GALNT17: variants seen among roughly 807,000 people sequenced by gnomAD.
The protein encoded by GALNT17 is polypeptide N-acetylgalactosaminyltransferase 17.
A neutral mutation model predicts 63.7 loss-of-function variants in GALNT17; 29 were observed. The observed-to-expected ratio is 0.46, with a 90% CI of 0.34 to 0.62. The LOEUF (loss-of-function observed/expected upper bound fraction) is 0.62. Among genes scored for constraint, GALNT17 ranks in the 20% least tolerant of loss-of-function variants. The pLI is 0.01. For synonymous variants in GALNT17, 305 were observed against 318.3 expected, an observed-to-expected ratio of 0.96 and a Z score of 0.45; for missense variants, 603 against 799.6, an observed-to-expected ratio of 0.75 and a Z score of 2.97.
chr7:71,553,468 AAG>A (rs1789113783), intron 5 of GALNT17, among the ~76,000 whole-genome samples: 1 of 152,302 alleles, frequency 6.6e-6, no homozygotes, highest in East Asian at 1.9e-4. Context: ...TTCTAGGTCT[AAG>A]ACATGTTTAT....
rs1554338085 is a variant in GALNT17 at position 71,201,241 on chromosome 7, T to TA, written c.238+68201_238+68202insA. 1.0e-3 allele frequency among the ~76,000 whole-genome samples: 142 copies of TA among 138,442 alleles called. 4 individuals are homozygous for TA. The highest frequency in any genetic ancestry group is 1.8e-3 in the Non-Finnish European group (117 of 65,362). 90.8% of individuals were successfully genotyped at this position (138,442 alleles called of 152,430 possible). ...TGTATGGGGGTGTGTGTGTTTATTT[T>TA]TATATATATATATATAATTTGTGTG... On this transcript the variant is annotated intron_variant, in intron 1 of 10. Coordinates refer to ENST00000333538, the MANE Select transcript of GALNT17 (RefSeq NM_022479.3).
intron 1 of GALNT17, among the ~76,000 whole-genome samples, chr7:71,185,627 CCTCCCGAGTAGCTGGGA>C (rs1305451980): frequency 4.0e-5 from 6 of 151,504 alleles, no homozygotes; most frequent in Middle Eastern, 3.4e-3. Flanking sequence ...CCTGCCTCAG[CCTCCCGAGTAGCTGGGA>C]CTACAGGTGC....
chr7:71,337,959 G>A (rs143032952), intron 2 of GALNT17, among the ~76,000 whole-genome samples: 3 of 152,194 alleles, frequency 2.0e-5, no homozygotes, highest in Admixed American at 2.0e-4. Context: ...CCTTTGGGAA[G>A]CCAATCGCTT....
At chr7:71,263,691 AG>A (rs1790430956) in intron 1 of GALNT17, among the ~76,000 whole-genome samples, 6 of 152,102 alleles carry the variant, frequency 3.9e-5, no homozygotes, top group African/African-American at 1.4e-4. Flanking sequence ...TGAGAGGCCA[AG>A]GCGGGCGGAT....
chr7:71,410,150 C>T (rs2116416557), intron 3 of GALNT17, among the ~76,000 whole-genome samples: 1 of 152,168 alleles, frequency 6.6e-6, no homozygotes, highest in East Asian at 1.9e-4. Context: ...GGACAATAGG[C>T]ACTAAGAAAC....
rs35168193 is a variant in GALNT17 at position 71,288,048 on chromosome 7, C to CAAA, written c.239-47486_239-47484dup. ...GACTGGTGACAGAGCGAGACTGTCT[C>CAAA]AAAAAAAAAAAAAAAAAATTAGCTG... On this transcript the variant is annotated intron_variant, in intron 1 of 10. Coordinates refer to ENST00000333538, the MANE Select transcript of GALNT17 (RefSeq NM_022479.3). Among the ~76,000 whole-genome samples the CAAA allele has an allele frequency of 3.6e-4, 31 of 86,152 alleles. 1 individual carries two copies. Among genetic ancestry groups the CAAA allele is most frequent in the African/African-American group, 1.2e-3 (29 of 24,114 alleles). The allele number at this position is 86,152 out of a possible 152,430, so 56.5% of individuals were successfully genotyped here. A position where few individuals can be genotyped will look rare whatever the true frequency, so the allele number is the denominator to read the frequency against.
At chr7:71,153,831 C>G (rs533158009) in intron 1 of GALNT17, among the ~76,000 whole-genome samples, 1 of 151,810 alleles carries the variant, frequency 6.6e-6, no homozygotes, top group Non-Finnish European at 1.5e-5. Flanking sequence ...GCAGGAGAAC[C>G]CAGGAGGCGG....
chr7:71,542,695 C>CAAAAAA (rs10664146), intron 5 of GALNT17, among the ~76,000 whole-genome samples: 15 of 120,412 alleles, frequency 1.2e-4, no homozygotes, highest in Non-Finnish European at 1.5e-4. Context: ...GACTCCCTGT[C>CAAAAAA]AAAAAAAAAA....
At chr7:71,492,668 G>C (rs189800477) in intron 5 of GALNT17, among the ~76,000 whole-genome samples, 4 of 152,212 alleles carry the variant, frequency 2.6e-5, no homozygotes, top group Non-Finnish European at 4.4e-5. Flanking sequence ...AAGTGAGCAC[G>C]TCACTCCAGT....
chr7:71,257,053 C>T (rs887917789), intron 1 of GALNT17, among the ~76,000 whole-genome samples: 1 of 152,148 alleles, frequency 6.6e-6, no homozygotes, highest in East Asian at 1.9e-4. Flanking sequence ...TCTGTGTGAC[C>T]ACTTCTGGGG....
chr7:71,199,450 CATCT>C (rs1278965686), intron 1 of GALNT17, among the ~76,000 whole-genome samples: 3 of 152,128 alleles, frequency 2.0e-5, no homozygotes, highest in East Asian at 1.9e-4. Flanking sequence ...TCCATTCATC[CATCT>C]GTTTACCCTT....
intron 2 of GALNT17, among the ~76,000 whole-genome samples, chr7:71,378,476 C>T (rs951585547): frequency 1.3e-5 from 2 of 152,044 alleles, no homozygotes; most frequent in African/African-American, 2.4e-5. Flanking sequence ...AGTTTGAGCC[C>T]TGATTAGTAA....
intron 2 of GALNT17, among the ~76,000 whole-genome samples, chr7:71,380,253 CAG>C (rs1462192442): frequency 1.3e-5 from 2 of 151,890 alleles, no homozygotes; most frequent in African/African-American, 2.4e-5. Context: ...AGAAGGGAGA[CAG>C]GGAGGGAAAG....
chr7:71,416,637 G>T (rs1282796814), intron 4 of GALNT17, among the ~76,000 whole-genome samples: 2 of 151,976 alleles, frequency 1.3e-5, no homozygotes, highest in African/African-American at 4.8e-5. Context: ...AAAGAAAACG[G>T]TGTATCAATT....
intron 5 of GALNT17, among the ~76,000 whole-genome samples, chr7:71,541,927 C>T (rs143434659): frequency 3.9e-5 from 6 of 152,266 alleles, no homozygotes; most frequent in African/African-American, 1.2e-4. Flanking sequence ...ATTTCAGAGA[C>T]GACGTCTTAT....
Position 71,207,895 on chromosome 7 carries a change from A to G in GALNT17, c.238+74855A>G, listed in dbSNP as rs570441288. ...AACATTTAGAGCCACTGATGTATAC[A>G]AGCAATGAGGTGGACATGTGCCTGT... is the stretch of plus-strand genomic sequence containing the variant. On this transcript the variant is annotated intron_variant, in intron 1 of 10. Transcript: ENST00000333538. Among the ~76,000 whole-genome samples the G allele has an allele frequency of 4.6e-5, 7 of 152,080 alleles. No homozygotes were observed. In the South Asian group the frequency reaches 1.5e-3, roughly 32 times the overall value.
At chr7:71,511,374 C>T (rs1394103001) in intron 5 of GALNT17, among the ~76,000 whole-genome samples, 1 of 152,172 alleles carries the variant, frequency 6.6e-6, no homozygotes, top group Non-Finnish European at 1.5e-5. Flanking sequence ...GTGAGAGCAG[C>T]AGATCCTGCA....
intron 6 of GALNT17, among the ~76,000 whole-genome samples, chr7:71,583,295 C>T (rs981328243): frequency 1.3e-5 from 2 of 152,118 alleles, no homozygotes; most frequent in South Asian, 2.1e-4. Flanking sequence ...GGGATTTCAC[C>T]GTGTTAGCCA....
At chr7:71,236,229 A>G (rs1789888918) in intron 1 of GALNT17, among the ~76,000 whole-genome samples, 1 of 152,088 alleles carries the variant, frequency 6.6e-6, no homozygotes, top group African/African-American at 2.4e-5. Context: ...TCTTAGGAAA[A>G]GAGCTGACAA....
Sources: gnomAD v4.1 joint callset for allele counts (sites outside exome capture counted in the v4.1 genomes callset) on GRCh38, gnomAD v4.1.1 for gene constraint, MANE v1.5 for transcripts, NCBI Gene and HGNC (gene_info 2026-07-23, HGNC 2026-07-21) for gene names.